The following SH3D19 variants were observed in gnomAD, a reference collection of about 807,000 sequenced individuals.
The protein encoded by SH3D19 is SH3 domain containing 19.
Under a neutral mutation model 112.1 loss-of-function variants are expected in SH3D19, and 58 were observed. That is an observed-to-expected ratio of 0.52 (90% CI 0.42 to 0.64). The LOEUF is 0.64. Among genes scored for constraint, SH3D19 ranks in the 30% least tolerant of loss-of-function variants. The probability of loss-of-function intolerance (pLI) is 0.00; values close to 1 mark genes in which losing one functional copy is unlikely to be tolerated. For synonymous variants in SH3D19, 391 were observed against 448.5 expected, an observed-to-expected ratio of 0.87 and a Z score of 1.62; for missense variants, 1,090 against 1,263.4, an observed-to-expected ratio of 0.86 and a Z score of 2.08.
In SH3D19 at chr4:151,234,735, G is replaced by GTTTT. The variant is rs541665981; in HGVS notation, c.113-8653_113-8650dup. ...GTTTTTGTTTTCTTTCCAAGTTTGT[G>GTTTT]TTTTTTTTTTTTTTTTTTTTTTTTT... is the stretch of plus-strand genomic sequence containing the variant. On this transcript the variant is annotated intron_variant, in intron 1 of 19. Coordinates refer to ENST00000604030, the MANE Select transcript of SH3D19 (RefSeq NM_001378122.1). Among the ~76,000 whole-genome samples the GTTTT allele has an allele frequency of 6.7e-3, 167 of 25,068 alleles. 19 individuals are homozygous for GTTTT. Among genetic ancestry groups the GTTTT allele is most frequent in the African/African-American group, 0.015 (159 of 10,814 alleles). 16.4% of individuals were successfully genotyped at this position (25,068 alleles called of 152,430 possible).
intron 1 of SH3D19, among the ~76,000 whole-genome samples, chr4:151,269,436 CTT>C (rs1773070127): frequency 6.6e-6 from 1 of 152,224 alleles, no homozygotes; most frequent in African/African-American, 2.4e-5. Context: ...TGCAGAAGCT[CTT>C]GAGTTTAGTT....
chr4:151,237,919 C>T (rs1485729391), intron 1 of SH3D19, among the ~76,000 whole-genome samples: 1 of 152,162 alleles, frequency 6.6e-6, no homozygotes, highest in Admixed American at 6.5e-5. Flanking sequence ...AACGGTTCAG[C>T]CTATTTTTCC....
intron 1 of SH3D19, among the ~76,000 whole-genome samples, chr4:151,257,277 G>A (rs1431474057): frequency 3.3e-5 from 5 of 151,934 alleles, no homozygotes; most frequent in East Asian, 1.9e-4. Flanking sequence ...TAGTAGAGAC[G>A]GGGTTTCACT....
intron 1 of SH3D19, among the ~76,000 whole-genome samples, chr4:151,237,033 C>T (rs1770123374): frequency 6.6e-6 from 1 of 152,234 alleles, no homozygotes; most frequent in African/African-American, 2.4e-5. Context: ...AAGCTTTGTT[C>T]TTTCACTCTT....
chr4:151,297,156 G>A (rs1432968395), intron 1 of SH3D19, among the ~76,000 whole-genome samples: 1 of 152,116 alleles, frequency 6.6e-6, no homozygotes, highest in Non-Finnish European at 1.5e-5. Flanking sequence ...ATGTATTCTC[G>A]GCTATTAATA....
chr4:151,175,085 C>A lies in SH3D19; in HGVS notation c.1119G>T (p.Ala373=), dbSNP rs371829393. The part of the protein sequence containing the change: ...GLTPYPPLQE[A]GSIPVTKPEL... ...CAGGTTTGGTTACTGGGATGCTTCCCGCTTCTTGCAGGGGAGGGTATGGGG... is the reference window on the plus strand; with the variant it reads ...CAGGTTTGGTTACTGGGATGCTTCCAGCTTCTTGCAGGGGAGGGTATGGGG... The change falls in exon 7 of 20, where the codon GCG becomes GCT. Residue 373 remains alanine (A), a synonymous_variant. Transcript: ENST00000604030. 2.5e-6 allele frequency: 4 copies of A among 1,614,134 alleles called. No homozygotes were observed. The African/African-American group carries it at 5.3e-5, about 22-fold the overall frequency.
intron 2 of SH3D19, among the ~76,000 whole-genome samples, chr4:151,201,509 A>G (rs1340165754): frequency 6.6e-6 from 1 of 152,242 alleles, no homozygotes; most frequent in Non-Finnish European, 1.5e-5. Context: ...GAGCCCCTCT[A>G]TTCAAAGAGA....
intron 1 of SH3D19, chr4:151,282,279 C>T (rs1213676684): frequency 6.2e-7 from 1 of 1,613,992 alleles, no homozygotes; most frequent in South Asian, 1.1e-5. Flanking sequence ...GCAGACGTCG[C>T]CTTGTTGAAA....
At chr4:151,206,007 AAC>A (rs10635205) in intron 2 of SH3D19, among the ~76,000 whole-genome samples, 15 of 151,200 alleles carry the variant, frequency 9.9e-5, no homozygotes, top group South Asian at 2.1e-4. Context: ...TTGAGAGGAA[AAC>A]ACACACACAC....
chr4:151,148,208 A>T (rs758271861), intron 10 of SH3D19, 22 bp from the exon 11 acceptor site: 1 of 1,572,624 alleles, frequency 6.4e-7, no homozygotes, highest in Admixed American at 1.9e-5. Flanking sequence ...TGTAGTAGCC[A>T]TGAGTCAGTG....
At chr4:151,278,460 A>G (rs1223704091) in intron 1 of SH3D19, among the ~76,000 whole-genome samples, 2 of 151,436 alleles carry the variant, frequency 1.3e-5, no homozygotes, top group Non-Finnish European at 2.9e-5. Context: ...GAAGAAAAAA[A>G]AAACCCTGAC....
intron 1 of SH3D19, among the ~76,000 whole-genome samples, chr4:151,280,341 A>G (rs1774095368): frequency 6.6e-6 from 1 of 152,136 alleles, no homozygotes; most frequent in South Asian, 2.1e-4. Context: ...TCTAGTCAAC[A>G]GCGAGAAGAC....
chr4:151,275,138 G>T (rs945151325), intron 1 of SH3D19, among the ~76,000 whole-genome samples: 1 of 151,464 alleles, frequency 6.6e-6, no homozygotes, highest in Non-Finnish European at 1.5e-5. Flanking sequence ...CCAGGCTGGA[G>T]TGCAGTGGCG....
intron 1 of SH3D19, among the ~76,000 whole-genome samples, chr4:151,248,806 T>C (rs1421502510): frequency 6.6e-6 from 1 of 152,120 alleles, no homozygotes; most frequent in African/African-American, 2.4e-5. Flanking sequence ...GGCACCCCCT[T>C]GTAAACAAAA....
At chr4:151,242,588 A>G (rs1418480981) in intron 1 of SH3D19, among the ~76,000 whole-genome samples, 3 of 152,230 alleles carry the variant, frequency 2.0e-5, no homozygotes, top group Non-Finnish European at 4.4e-5. Context: ...AAGAAAGTAA[A>G]AGCATCACAT....
rs141450029 is a variant in SH3D19, at chr4:151,120,763, G to GA, written c.*1327dup. 793 of 147,824 alleles carry GA rather than the reference G, an allele frequency of 5.4e-3. 4 individuals are homozygous for GA. Among genetic ancestry groups the GA allele is most frequent in the Non-Finnish European group, 7.5e-3 (496 of 66,526 alleles). 9.2% of individuals were successfully genotyped at this position (147,824 alleles called of 1,614,324 possible). A position where few individuals can be genotyped will look rare whatever the true frequency, so the allele number is the denominator to read the frequency against. On this transcript the variant is annotated 3_prime_UTR_variant, in exon 20 of 20. Coordinates refer to ENST00000604030, the MANE Select transcript of SH3D19 (RefSeq NM_001378122.1). ...TGTTGCTTAACTTTTTGGACAATGGGAAAAAAAAAACAATAAAAGCTAAAA... is the reference window on the plus strand; with the variant it reads ...TGTTGCTTAACTTTTTGGACAATGGGAAAAAAAAAAACAATAAAAGCTAAAA...
At chr4:151,130,221 C>G (rs990921523) in intron 17 of SH3D19, among the ~76,000 whole-genome samples, 1 of 152,104 alleles carries the variant, frequency 6.6e-6, no homozygotes, top group Non-Finnish European at 1.5e-5. Flanking sequence ...GCAGGTGGAG[C>G]GCTTGAGCCC....
At chr4:151,143,872 T>C (rs1392266770) in intron 12 of SH3D19, 38 bp downstream of exon 12, 3 of 1,579,758 alleles carry the variant, frequency 1.9e-6, no homozygotes, top group Admixed American at 3.7e-5. Context: ...TGTGCTGCTA[T>C]GTGTGATATG....
intron 1 of SH3D19, among the ~76,000 whole-genome samples, chr4:151,233,560 C>T (rs966200870): frequency 3.3e-5 from 5 of 152,184 alleles, no homozygotes; most frequent in Non-Finnish European, 5.9e-5. Flanking sequence ...ATCTACCTCC[C>T]TCTTCTACTT....
Sources: gnomAD v4.1 joint callset for allele counts (sites outside exome capture counted in the v4.1 genomes callset) on GRCh38, gnomAD v4.1.1 for gene constraint, MANE v1.5 for transcripts, NCBI Gene and HGNC (gene_info 2026-07-23, HGNC 2026-07-21) for gene names.